The following LRRC3B variants were observed in gnomAD, a reference collection of about 807,000 sequenced individuals.
LRRC3B encodes leucine rich repeat containing 3B.
A neutral mutation model predicts 12.8 loss-of-function variants in LRRC3B; 2 were observed. The observed-to-expected ratio is 0.16, with a 90% CI of 0.06 to 0.49. The LOEUF (loss-of-function observed/expected upper bound fraction) is 0.49. Among genes scored for constraint, LRRC3B ranks in the 20% least tolerant of loss-of-function variants. The pLI is 0.96. For synonymous variants in LRRC3B, 132 were observed against 122.0 expected, an observed-to-expected ratio of 1.08 and a Z score of -0.54; for missense variants, 189 against 319.4, an observed-to-expected ratio of 0.59 and a Z score of 3.11.
At chr3:26,663,033 C>CTG in intron 1 of LRRC3B, among the ~76,000 whole-genome samples, 1 of 152,168 alleles carries the variant, frequency 6.6e-6, no homozygotes, top group African/African-American at 2.4e-5. Context: ...GCCAGATCTG[C>CTG]CACTCTTTCA....
chr3:26,688,016 T>C (rs901355025), intron 1 of LRRC3B, among the ~76,000 whole-genome samples: 14 of 152,188 alleles, frequency 9.2e-5, no homozygotes, highest in Non-Finnish European at 1.3e-4. Flanking sequence ...AGACACCTCA[T>C]TGAAGCTTCC....
In LRRC3B at chr3:26,636,916, CTCTTTCTTTCTTTCTT is replaced by C. The variant is rs559017147; in HGVS notation, c.-161+13723_-161+13738del. On this transcript the variant is annotated intron_variant, in intron 1 of 1. Transcript: ENST00000396641. ...TCTCTCTCTCTCTTTCTCTCTTTCT[CTCTTTCTTTCTTTCTT>C]TCTTTCTTTCTTTCTTTCTTTCTTT... is the stretch of plus-strand genomic sequence containing the variant. 9.4e-3 allele frequency among the ~76,000 whole-genome samples: 667 copies of C among 71,052 alleles called. 18 individuals are homozygous for C. The highest frequency in any genetic ancestry group is 0.035 in the African/African-American group (503 of 14,248). 46.6% of individuals were successfully genotyped at this position (71,052 alleles called of 152,430 possible).
exon 2 of LRRC3B, chr3:26,709,564 C>T (rs1700696168): frequency 8.9e-7 from 1 of 1,122,162 alleles, no homozygotes; most frequent in Non-Finnish European, 1.3e-6. Flanking sequence ...TAGCTGCAGC[C>T]TTTTGAAACA....
intron 1 of LRRC3B, among the ~76,000 whole-genome samples, chr3:26,684,735 T>C (rs1700038696): frequency 6.6e-6 from 1 of 152,196 alleles, no homozygotes; most frequent in Non-Finnish European, 1.5e-5. Flanking sequence ...CACCTCTTAA[T>C]ACTGTGGATA....
intron 1 of LRRC3B, among the ~76,000 whole-genome samples, chr3:26,646,598 TAAAAAAA>T (rs529066996): frequency 2.0e-5 from 2 of 99,664 alleles, no homozygotes; most frequent in Non-Finnish European, 4.2e-5. Context: ...GGATAGGAGG[TAAAAAAA>T]AAAAAAAAAA....
At chr3:26,660,835 T>C (rs1699478123) in intron 1 of LRRC3B, among the ~76,000 whole-genome samples, 1 of 152,174 alleles carries the variant, frequency 6.6e-6, no homozygotes, top group Admixed American at 6.5e-5. Context: ...TTACCTATTT[T>C]GCCCAAACCT....
At chr3:26,670,972 G>A (rs1463701730) in intron 1 of LRRC3B, among the ~76,000 whole-genome samples, 4 of 146,792 alleles carry the variant, frequency 2.7e-5, no homozygotes, top group Non-Finnish European at 4.5e-5. Context: ...ACTATACTCA[G>A]TATTGGGAGA....
At chr3:26,681,976 T>C (rs2125442042) in intron 1 of LRRC3B, among the ~76,000 whole-genome samples, 1 of 152,174 alleles carries the variant, frequency 6.6e-6, no homozygotes, top group African/African-American at 2.4e-5. Flanking sequence ...ACGATAAAGT[T>C]TAATTTATAA....
chr3:26,681,125 G>A (rs1465469908), intron 1 of LRRC3B, among the ~76,000 whole-genome samples: 3 of 152,144 alleles, frequency 2.0e-5, no homozygotes, highest in Non-Finnish European at 2.9e-5. Context: ...ATAATATATA[G>A]TTTCTGTTCT....
chr3:26,654,000 G>A (rs1056010404), intron 1 of LRRC3B, among the ~76,000 whole-genome samples: 1 of 152,116 alleles, frequency 6.6e-6, no homozygotes. Flanking sequence ...AAAATAGCCT[G>A]TGTGATACAT....
chr3:26,694,357 C>A (rs1700257223), intron 1 of LRRC3B, among the ~76,000 whole-genome samples: 1 of 152,112 alleles, frequency 6.6e-6, no homozygotes, highest in Non-Finnish European at 1.5e-5. Context: ...CTGTCAGAAC[C>A]TTTAACAGGC....
intron 1 of LRRC3B, among the ~76,000 whole-genome samples, chr3:26,702,890 G>A (rs537359995): frequency 6.6e-6 from 1 of 152,204 alleles, no homozygotes; most frequent in African/African-American, 2.4e-5. Flanking sequence ...CAGTGGAGGC[G>A]GGAGTCATTG....
chr3:26,681,720 G>GTCAA (rs1288993564), intron 1 of LRRC3B, among the ~76,000 whole-genome samples: 2 of 152,148 alleles, frequency 1.3e-5, no homozygotes, highest in East Asian at 3.9e-4. Context: ...TATCATTAAT[G>GTCAA]TCAATCACTG....
chr3:26,691,105 G>GTGTATATATATATATATATATATATA (rs372629683), intron 1 of LRRC3B, among the ~76,000 whole-genome samples: 6 of 84,844 alleles, frequency 7.1e-5, no homozygotes, highest in Admixed American at 3.1e-4. Context: ...GTGTGTGTGT[G>GTGTATATATATATATATATATATATA]TATATATATA....
At chr3:26,669,310 A>G (rs1211518801) in intron 1 of LRRC3B, among the ~76,000 whole-genome samples, 1 of 152,186 alleles carries the variant, frequency 6.6e-6, no homozygotes, top group Non-Finnish European at 1.5e-5. Flanking sequence ...GTGTGCTTCT[A>G]GAACAATTCC....
At chr3:26,710,090 G>T (rs1377921930) in exon 2 of LRRC3B, 17 of 1,613,920 alleles carry the variant, frequency 1.1e-5, no homozygotes, top group Non-Finnish European at 1.4e-5. Context: ...GAAGGCCAGG[G>T]CCAGAATTGC....
At chr3:26,655,590 C>T (rs958255084) in intron 1 of LRRC3B, among the ~76,000 whole-genome samples, 1 of 152,132 alleles carries the variant, frequency 6.6e-6, no homozygotes, top group Non-Finnish European at 1.5e-5. Flanking sequence ...TTCATCTGTC[C>T]TGTTTTCATT....
chr3:26,703,084 T>C (rs1700497566), intron 1 of LRRC3B, among the ~76,000 whole-genome samples: 1 of 152,092 alleles, frequency 6.6e-6, no homozygotes, highest in Non-Finnish European at 1.5e-5. Flanking sequence ...AGACCAGCAG[T>C]GGAAAAATTA....
At chr3:26,710,761 T>A in exon 2 of LRRC3B, 1 of 205,280 alleles carries the variant, frequency 4.9e-6, no homozygotes, top group Non-Finnish European at 1.1e-5. Context: ...AAAGCTTAAC[T>A]TTGAACCATG....
Sources: allele counts gnomAD v4.1 joint callset (sites outside exome capture counted in the v4.1 genomes callset), GRCh38; gene constraint gnomAD v4.1.1; transcripts MANE v1.5; gene names NCBI Gene and HGNC (gene_info 2026-07-23, HGNC 2026-07-21).